MAPK10: variants seen among roughly 807,000 people sequenced by gnomAD.
MAPK10 encodes the protein JNK3 alpha protein kinase.
MAPK10 carries 25 observed loss-of-function variants against 59.3 expected under a neutral mutation model. The ratio of observed to expected loss-of-function variants is 0.42; its 90% CI spans 0.31 to 0.59. The LOEUF (loss-of-function observed/expected upper bound fraction) is 0.59. Ranked by LOEUF, MAPK10 falls within the 20% of genes least tolerant of loss-of-function variation. The pLI is 0.15. For synonymous variants in MAPK10, 190 were observed against 200.5 expected, an observed-to-expected ratio of 0.95 and a Z score of 0.44; for missense variants, 351 against 568.9, an observed-to-expected ratio of 0.62 and a Z score of 3.90.
At chr4:86,140,467 G>T (rs2063380253) in intron 4 of MAPK10, among the ~76,000 whole-genome samples, 1 of 143,124 alleles carries the variant, frequency 7.0e-6, no homozygotes, top group South Asian at 2.1e-4. Context: ...CTCACTCATG[G>T]GTGGGAATTG....
intron 2 of MAPK10, among the ~76,000 whole-genome samples, chr4:86,211,299 C>G (rs1431103904): frequency 1.3e-5 from 2 of 151,710 alleles, no homozygotes; most frequent in Non-Finnish European, 2.9e-5. Context: ...ATGTTGAAAG[C>G]CAAAGACAAA....
At chr4:86,555,383 T>C (rs1359751659) in intron 1 of MAPK10, among the ~76,000 whole-genome samples, 1 of 152,036 alleles carries the variant, frequency 6.6e-6, no homozygotes, top group African/African-American at 2.4e-5. Flanking sequence ...GAGGCGGAGG[T>C]TGCAGTAAGC....
At chr4:86,190,705 A>T (rs1183906752) in intron 3 of MAPK10, among the ~76,000 whole-genome samples, 1 of 151,936 alleles carries the variant, frequency 6.6e-6, no homozygotes, top group Non-Finnish European at 1.5e-5. Flanking sequence ...CAGCTCCTGG[A>T]TTCTGTGATT....
chr4:86,153,716 T>C (rs1016702417), intron 4 of MAPK10, among the ~76,000 whole-genome samples: 5 of 152,156 alleles, frequency 3.3e-5, no homozygotes, highest in Admixed American at 1.3e-4. Context: ...TATTGATCAA[T>C]TGAGAAATAT....
intron 2 of MAPK10, among the ~76,000 whole-genome samples, chr4:86,317,171 C>A (rs150402797): frequency 6.6e-6 from 1 of 152,114 alleles, no homozygotes; most frequent in African/African-American, 2.4e-5. Flanking sequence ...TCCAAAACCA[C>A]GTTTTGTCAC....
chr4:86,070,992 GT>G (rs1195292324), intron 9 of MAPK10, among the ~76,000 whole-genome samples: 2 of 151,958 alleles, frequency 1.3e-5, no homozygotes, highest in Non-Finnish European at 2.9e-5. Context: ...GGTTGAACCA[GT>G]TTACAGTCCC....
chr4:86,053,222 C>T (rs1177247534), intron 11 of MAPK10, among the ~76,000 whole-genome samples: 1 of 152,104 alleles, frequency 6.6e-6, no homozygotes, highest in Non-Finnish European at 1.5e-5. Flanking sequence ...CCAGGCCTTG[C>T]AGAAAACAAT....
At chr4:86,560,706 G>T (rs1321472793) in intron 1 of MAPK10, among the ~76,000 whole-genome samples, 1 of 152,200 alleles carries the variant, frequency 6.6e-6, no homozygotes, top group Admixed American at 6.5e-5. Context: ...ACTTAGCATT[G>T]CAAAACAGAG....
chr4:86,325,453 C>T (rs2096000848), intron 2 of MAPK10, among the ~76,000 whole-genome samples: 1 of 152,182 alleles, frequency 6.6e-6, no homozygotes, highest in African/African-American at 2.4e-5. Flanking sequence ...CTAAAGCCAG[C>T]TTGCTTAACC....
intron 2 of MAPK10, among the ~76,000 whole-genome samples, chr4:86,195,688 A>T (rs1048747729): frequency 6.6e-6 from 1 of 152,090 alleles, no homozygotes; most frequent in Admixed American, 6.6e-5. Flanking sequence ...CATCATCTAC[A>T]TTAGGTATTT....
At chr4:86,035,869 T>C (rs1300069024) in intron 11 of MAPK10, among the ~76,000 whole-genome samples, 1 of 152,188 alleles carries the variant, frequency 6.6e-6, no homozygotes, top group African/African-American at 2.4e-5. Flanking sequence ...AGAGGAATGC[T>C]GTTGGCTAGA....
chr4:86,181,201 C>T (rs1031777154), intron 3 of MAPK10, among the ~76,000 whole-genome samples: 4 of 151,918 alleles, frequency 2.6e-5, no homozygotes, highest in African/African-American at 9.7e-5. Flanking sequence ...ACCAAAAACT[C>T]TTAAAAATAT....
intron 3 of MAPK10, among the ~76,000 whole-genome samples, chr4:86,185,445 T>G (rs776848253): frequency 2.6e-5 from 4 of 152,162 alleles, no homozygotes; most frequent in Non-Finnish European, 5.9e-5. Flanking sequence ...GGGGGCTAGA[T>G]AATAAAGGCT....
intron 1 of MAPK10, among the ~76,000 whole-genome samples, chr4:86,474,162 CT>C (rs755812353): frequency 6.6e-6 from 1 of 152,110 alleles, no homozygotes; most frequent in Non-Finnish European, 1.5e-5. Flanking sequence ...TTTTATTCAT[CT>C]TTGGATACTT....
chr4:86,268,581 C>T (rs2094332687), intron 2 of MAPK10: 1 of 152,180 alleles, frequency 6.6e-6, no homozygotes, highest in Non-Finnish European at 1.5e-5. Context: ...CTACTTCTCT[C>T]ACACTGCCCT....
chr4:86,382,605 T>A (rs1740908664), intron 1 of MAPK10, among the ~76,000 whole-genome samples: 1 of 152,174 alleles, frequency 6.6e-6, no homozygotes, highest in African/African-American at 2.4e-5. Context: ...ACACATGGTG[T>A]GTAACTAAAT....
chr4:86,023,747 C>G (rs999424391), intron 13 of MAPK10, among the ~76,000 whole-genome samples: 2 of 140,252 alleles, frequency 1.4e-5, no homozygotes, highest in Non-Finnish European at 3.1e-5. Flanking sequence ...TACAATTATA[C>G]TGAGGACTTA....
chr4:86,421,583 C>A (rs1468308693), intron 1 of MAPK10, among the ~76,000 whole-genome samples: 2 of 152,058 alleles, frequency 1.3e-5, no homozygotes, highest in Non-Finnish European at 2.9e-5. Context: ...TTTGCCAGCT[C>A]GAGAATGGGT....
chr4:86,297,234 T>C (rs954571554), intron 2 of MAPK10, among the ~76,000 whole-genome samples: 1 of 152,202 alleles, frequency 6.6e-6, no homozygotes, highest in Non-Finnish European at 1.5e-5. Context: ...GGTTGGTAAT[T>C]TGTCAATCCG....
Sources: allele counts gnomAD v4.1 joint callset (sites outside exome capture counted in the v4.1 genomes callset), GRCh38; gene constraint gnomAD v4.1.1; transcripts MANE v1.5; gene names NCBI Gene and HGNC (gene_info 2026-07-23, HGNC 2026-07-21).